MRPS26: variants seen among roughly 807,000 people sequenced by gnomAD.
MRPS26 encodes mitochondrial ribosomal protein S26.
A neutral mutation model predicts 22.7 loss-of-function variants in MRPS26; 26 were observed. The ratio of observed to expected loss-of-function variants is 1.15; its 90% CI spans 0.84 to 1.59. MRPS26 has a LOEUF of 1.59. Ranked by LOEUF, MRPS26 falls within the 40% of genes most tolerant of loss-of-function variation. The pLI is 0.00. For synonymous variants in MRPS26, 120 were observed against 124.0 expected (o/e 0.97, Z 0.22); for missense variants, 291 against 287.7 (o/e 1.01, Z -0.08).
chr20:3,047,038 G>A (rs2065992542), intron 3 of MRPS26, among the ~76,000 whole-genome samples: 1 of 152,256 alleles, frequency 6.6e-6, no homozygotes, highest in African/African-American at 2.4e-5. Context: ...GGATTAGCAG[G>A]TGTGCGACTT....
Position 3,048,014 on chromosome 20 carries a change from G to C in MRPS26, c.*145G>C. 1.0e-6 allele frequency: 1 copy of C among 975,044 alleles called. No homozygotes were observed. Among genetic ancestry groups the C allele is most frequent in the Non-Finnish European group, 1.4e-6 (1 of 698,224 alleles). The allele number at this position is 975,044 out of a possible 1,614,324, so 60.4% of individuals were successfully genotyped here. A position where few individuals can be genotyped will look rare whatever the true frequency, so the allele number is the denominator to read the frequency against. On this transcript the variant is annotated 3_prime_UTR_variant, in exon 4 of 4. Transcript: ENST00000380325. The surrounding 1 kb of genome is among the most constrained non-coding windows in gnomAD (Gnocchi z 4.1). The stretch of plus-strand genomic sequence containing the variant: ...CAGCCTTCACGTTTTGCCCTCTGCT[G>C]TCACCACTTGGTCAGAAACTTCCAA...
chr20:3,047,644 T>C lies in MRPS26; in HGVS notation c.484-91T>C, dbSNP rs532111685. On this transcript the variant is annotated intron_variant, in intron 3 of 3. Coordinates refer to ENST00000380325, the MANE Select transcript of MRPS26 (RefSeq NM_030811.4). The stretch of plus-strand genomic sequence containing the variant: ...CTTCCCCAGGGAGAGCAGGAGCTGC[T>C]TTCTCAGTGGGGTGAGAGGCCAGCA... 90 of 1,543,128 alleles carry C rather than the reference T, an allele frequency of 5.8e-5. 2 individuals are homozygous for C. The South Asian group carries it at 9.8e-4, about 17-fold the overall frequency.
At chr20:3,047,315 G>A (rs931962287) in intron 3 of MRPS26, among the ~76,000 whole-genome samples, 1 of 152,186 alleles carries the variant, frequency 6.6e-6, no homozygotes, top group African/African-American at 2.4e-5. Flanking sequence ...CTTGAACCCA[G>A]GAGGCAGAGG....
chr20:3,046,365 G>T lies in MRPS26; in HGVS notation c.213-8G>T. ...GAGGGTGCTGATTCCTGGCGCGTCT[G>T]CACCCAGGATGGAGTTCGTGTCCGA... On this transcript the variant is annotated splice_polypyrimidine_tract_variant and splice_region_variant and intron_variant, in intron 1 of 3. Coordinates refer to ENST00000380325, the MANE Select transcript of MRPS26 (RefSeq NM_030811.4). 6.2e-7 allele frequency: 1 copy of T among 1,608,646 alleles called. No homozygotes were observed.
At chr20:3,046,777 C>T (rs1349424190) in intron 3 of MRPS26, 40 bp downstream of exon 3, 2 of 1,525,434 alleles carry the variant, frequency 1.3e-6, no homozygotes, top group South Asian at 2.4e-5. Flanking sequence ...CAGCCGGGGA[C>T]GCGGCTTGCG....
chr20:3,046,722 A>G lies in MRPS26; in HGVS notation c.468A>G (p.Glu156=), dbSNP rs1050211529. 6.5e-7 allele frequency: 1 copy of G among 1,542,296 alleles called. No homozygotes were observed. Among genetic ancestry groups the G allele is most frequent in the Non-Finnish European group, 8.7e-7 (1 of 1,145,200 alleles). The change falls in exon 3 of 4, where the codon GAA becomes GAG. Residue 156 remains glutamate (E), a synonymous_variant. Coordinates refer to ENST00000380325, the MANE Select transcript of MRPS26 (RefSeq NM_030811.4). ...CCTGGGCGCAGCGCAAGGAGCGGGA[A>G]GTGCTGCAGCTGCAGGTGGGCAACG... ...VQAWAQRKER[E]VLQLQEEVKN...
rs369421914 is a variant in MRPS26 at position 3,047,918 on chromosome 20, G to A, written c.*49G>A. Reference sequence around the variant, plus strand: ...CCAGGGACCATGTATGTATCATGGCGGAAGAGTTGGCCCTGACCTGGAATA... The same window carrying A: ...CCAGGGACCATGTATGTATCATGGCAGAAGAGTTGGCCCTGACCTGGAATA... On this transcript the variant is annotated 3_prime_UTR_variant, in exon 4 of 4. Coordinates refer to ENST00000380325, the MANE Select transcript of MRPS26 (RefSeq NM_030811.4). 1.7e-5 allele frequency: 27 copies of A among 1,551,738 alleles called. No individual in the cohort carries two copies. In the Admixed American group the frequency reaches 3.5e-4, roughly 20 times the overall value.
intron 3 of MRPS26, 93 bp downstream of exon 3, chr20:3,046,830 T>C: frequency 2.0e-6 from 3 of 1,495,324 alleles, no homozygotes; most frequent in Middle Eastern, 1.9e-4. Context: ...GCGCTGGCTA[T>C]GTGCAGAGAC....
chr20:3,046,557 T>C (rs1486851072), intron 2 of MRPS26, 38 bp downstream of exon 2: 3 of 1,514,300 alleles, frequency 2.0e-6, no homozygotes, highest in East Asian at 2.5e-5. Context: ...CGGCGCGGCC[T>C]GGCCGGCCTG....
Position 3,046,373 on chromosome 20 carries a change from G to T in MRPS26, c.213G>T (p.Arg71Ser). Reference protein sequence around the residue: ...QHYRQTVRALRMEFVSEVQRK... With the variant: ...QHYRQTVRALSMEFVSEVQRK... The stretch of plus-strand genomic sequence containing the variant: ...TGATTCCTGGCGCGTCTGCACCCAG[G>T]ATGGAGTTCGTGTCCGAGGTGCAGA... The change falls in exon 2 of 4, where the codon AGG (arginine) becomes AGT (serine). Residue 71 changes from arginine to serine, a missense_variant and splice_region_variant. Physicochemically the swap from Arg to Ser is moderately radical, Grantham distance 110. Coordinates refer to ENST00000380325, the MANE Select transcript of MRPS26 (RefSeq NM_030811.4). The T allele has an allele frequency of 6.2e-7, 1 of 1,609,042 alleles. No individual in the cohort carries two copies.
At position 3,046,534 on chromosome 20, in the gene MRPS26, AGGCGG is replaced by A. The variant is rs758956071; in HGVS notation, c.359+26_359+30del. The A allele has an allele frequency of 2.0e-6, 3 of 1,522,622 alleles. No individual in the cohort carries two copies. Among genetic ancestry groups the A allele is most frequent in the African/African-American group, 1.4e-5 (1 of 71,468 alleles). The allele number at this position is 1,522,622 out of a possible 1,614,324, so 94.3% of individuals were successfully genotyped here. On this transcript the variant is annotated intron_variant, in intron 2 of 3. Transcript: ENST00000380325. ...CACGAGCTGCGGTGCGTGGGGCGGG[AGGCGG>A]GGCGGGGCGGCGCGGCCTGGCCGGC...
chr20:3,046,229 T>C lies in MRPS26; in HGVS notation c.161T>C (p.Phe54Ser). 1 of 1,605,494 alleles carries C rather than the reference T, an allele frequency of 6.2e-7. No homozygotes were observed. The highest frequency in any genetic ancestry group is 1.3e-5 in the African/African-American group (1 of 74,998). Reference sequence around the variant, plus strand: ...CCCGCGGTGGACCCTGCGGAGTTCTTCGTGCTGATGGAGCGTTACCAGCAC... The same window carrying C: ...CCCGCGGTGGACCCTGCGGAGTTCTCCGTGCTGATGGAGCGTTACCAGCAC... ...MPPAVDPAEF[F>S]VLMERYQHYR... Residue 54 changes from phenylalanine to serine, a missense_variant, in exon 1 of 4, where the codon TTC (phenylalanine) becomes TCC (serine). By Grantham distance (155) the Phe-to-Ser change is radical. Coordinates refer to ENST00000380325, the MANE Select transcript of MRPS26 (RefSeq NM_030811.4).
rs777849924 is a variant in MRPS26, at chr20:3,047,971, G to A, written c.*102G>A. The A allele has an allele frequency of 1.1e-3, 1,582 of 1,401,180 alleles. 2 individuals carry two copies. The highest frequency in any genetic ancestry group is 1.3e-3 in the Non-Finnish European group (1,409 of 1,056,236). 86.8% of individuals were successfully genotyped at this position (1,401,180 alleles called of 1,614,324 possible). A position where few individuals can be genotyped will look rare whatever the true frequency, so the allele number is the denominator to read the frequency against. Reference sequence around the variant, plus strand: ...GCAGTTGGTGTTGCTTATGAGGAAGGTTCAGCCTTATCCAGCACAGCCTTC... The same window carrying A: ...GCAGTTGGTGTTGCTTATGAGGAAGATTCAGCCTTATCCAGCACAGCCTTC... On this transcript the variant is annotated 3_prime_UTR_variant, in exon 4 of 4. Transcript: ENST00000380325.
chr20:3,047,892 G>C lies in MRPS26; in HGVS notation c.*23G>C. ...TAGGGGCCCAGTAAGGACAGTGCCCGCCAGGGACCATGTATGTATCATGGC... is the reference window on the plus strand; with the variant it reads ...TAGGGGCCCAGTAAGGACAGTGCCCCCCAGGGACCATGTATGTATCATGGC... On this transcript the variant is annotated 3_prime_UTR_variant, in exon 4 of 4. Transcript: ENST00000380325. 6.3e-7 allele frequency: 1 copy of C among 1,581,590 alleles called. No homozygotes were observed. Among genetic ancestry groups the C allele is most frequent in the Non-Finnish European group, 8.5e-7 (1 of 1,169,766 alleles).
intron 3 of MRPS26, among the ~76,000 whole-genome samples, chr20:3,047,372 G>A (rs940507411): frequency 1.3e-5 from 2 of 151,158 alleles, no homozygotes; most frequent in Non-Finnish European, 2.9e-5. Context: ...CTGGGCGACA[G>A]TGAGACTCCG....
chr20:3,047,875 C>G lies in MRPS26; in HGVS notation c.*6C>G, dbSNP rs541541162. The G allele has an allele frequency of 5.0e-6, 8 of 1,596,510 alleles. No homozygotes were observed. In the African/African-American group the frequency reaches 9.5e-5, roughly 19 times the overall value. Reference sequence around the variant, plus strand: ...CACAACGCAGGGACTCCTAGGGGCCCAGTAAGGACAGTGCCCGCCAGGGAC... The same window carrying G: ...CACAACGCAGGGACTCCTAGGGGCCGAGTAAGGACAGTGCCCGCCAGGGAC... On this transcript the variant is annotated 3_prime_UTR_variant, in exon 4 of 4. Transcript: ENST00000380325.
chr20:3,048,065 G>A lies in MRPS26; in HGVS notation c.*196G>A, dbSNP rs1100. 0.12 allele frequency: 72,688 copies of A among 592,880 alleles called. 5,542 individuals are homozygous for A. Among genetic ancestry groups the A allele is most frequent in the East Asian group, 0.32 (9,347 of 29,162 alleles). The allele number at this position is 592,880 out of a possible 1,614,324, so 36.7% of individuals were successfully genotyped here. ...ACGCAGTGCCCTGTTCTGCCGGTGT[G>A]TACAGCCTCAGCGCACCAGGAGACC... On this transcript the variant is annotated 3_prime_UTR_variant, in exon 4 of 4. Transcript: ENST00000380325. This position sits in a 1 kb window ranked among gnomAD's most constrained non-coding sequence, Gnocchi z 4.1.
chr20:3,046,222 G>T lies in MRPS26; in HGVS notation c.154G>T (p.Glu52Ter), dbSNP rs2148556487. 1 of 1,604,766 alleles carries T rather than the reference G, an allele frequency of 6.2e-7. No homozygotes were observed. The change falls in exon 1 of 4, where the codon GAG becomes TAG. Residue 52 changes from glutamate to a stop codon, truncating the protein, a stop_gained. Transcript: ENST00000380325. LOFTEE classifies it high-confidence loss of function. The part of the protein sequence containing the change: ...VNMPPAVDPA[E>*]FFVLMERYQH... ...CATGCCGCCCGCGGTGGACCCTGCG[G>T]AGTTCTTCGTGCTGATGGAGCGTTA...
intron 3 of MRPS26, among the ~76,000 whole-genome samples, chr20:3,047,422 G>A (rs987842796): frequency 1.3e-5 from 2 of 152,058 alleles, no homozygotes; most frequent in African/African-American, 4.8e-5. Flanking sequence ...AAAGTAATGG[G>A]GGGAAGGATG....
Sources: gnomAD v4.1 joint callset for allele counts (sites outside exome capture counted in the v4.1 genomes callset) on GRCh38, gnomAD v4.1.1 for gene constraint, Gnocchi (gnomAD v3.1) non-coding constraint, MANE v1.5 for transcripts, NCBI Gene and HGNC (gene_info 2026-07-23, HGNC 2026-07-21) for gene names.